Variants in TAB1 observed in about 807,000 individuals in gnomAD.
TAB1 encodes the protein TGF-beta-activated kinase 1 and MAP3K7-binding protein 1.
In TAB1, 30 loss-of-function variants were observed where a neutral mutation model predicts 54.5. The observed-to-expected ratio is 0.55, with a 90% CI of 0.41 to 0.75. The LOEUF (loss-of-function observed/expected upper bound fraction) is 0.75, where lower values mean the gene tolerates loss of function less well. Ranked by LOEUF, TAB1 falls within the 30% of genes least tolerant of loss-of-function variation. TAB1 has a pLI of 0.00. For missense variants in TAB1, 609 were observed against 683.2 expected (o/e 0.89, Z 1.21); for synonymous variants, 289 against 286.9 (o/e 1.01, Z -0.07).
chr22:39,435,736 G>A (rs1424073034), downstream of TAB1, among the ~76,000 whole-genome samples: 4 of 152,202 alleles, frequency 2.6e-5, no homozygotes, highest in East Asian at 1.9e-4. Flanking sequence ...GGGCCGGGGA[G>A]CCTGGCTCTA....
chr22:39,428,151 C>T lies in TAB1; in HGVS notation c.1275C>T (p.Ser425=), dbSNP rs888154434. The change falls in exon 10 of 11, where the codon TCC becomes TCT. Residue 425 remains serine, a synonymous_variant. Coordinates refer to ENST00000216160, the MANE Select transcript of TAB1 (RefSeq NM_006116.3). The part of the protein sequence containing the change: ...GQMVNGAHSA[S]TLDEATPTLT... ...TGGTCAACGGGGCTCACAGTGCTTC[C>T]ACCCTGGACGAAGCCACCCCCACCC... The T allele has an allele frequency of 1.4e-5, 22 of 1,611,634 alleles. No homozygotes were observed. Among genetic ancestry groups the T allele is most frequent in the Non-Finnish European group, 1.8e-5 (21 of 1,178,188 alleles).
intron 1 of TAB1, among the ~76,000 whole-genome samples, chr22:39,408,518 A>T (rs753191077): frequency 1.3e-5 from 2 of 149,844 alleles, no homozygotes; most frequent in Non-Finnish European, 3.0e-5. Context: ...TTGTTTTTTG[A>T]GACGGAGTCT....
chr22:39,413,562 A>G (rs1926698999), intron 1 of TAB1, among the ~76,000 whole-genome samples: 1 of 152,110 alleles, frequency 6.6e-6, no homozygotes, highest in Non-Finnish European at 1.5e-5. Flanking sequence ...GATTACAGGC[A>G]TGCACCACCA....
intron 8 of TAB1, among the ~76,000 whole-genome samples, chr22:39,426,025 T>G (rs982099669): frequency 2.6e-5 from 4 of 151,822 alleles, no homozygotes; most frequent in African/African-American, 7.3e-5. Flanking sequence ...GCCCAGCTAA[T>G]TTTTGTATTT....
intron 1 of TAB1, among the ~76,000 whole-genome samples, chr22:39,409,075 G>A (rs1172929322): frequency 6.6e-6 from 1 of 152,170 alleles, no homozygotes; most frequent in African/African-American, 2.4e-5. Flanking sequence ...TTTAATCACA[G>A]CCTTCTAGAA....
intron 3 of TAB1, among the ~76,000 whole-genome samples, chr22:39,416,359 T>C (rs1926834698): frequency 2.6e-5 from 4 of 152,204 alleles, no homozygotes; most frequent in African/African-American, 4.8e-5. Context: ...CGAGCTGTCA[T>C]AGGCCTGGCA....
intron 1 of TAB1, among the ~76,000 whole-genome samples, chr22:39,407,330 G>A (rs1396839569): frequency 6.6e-6 from 1 of 152,082 alleles, no homozygotes; most frequent in East Asian, 1.9e-4. Flanking sequence ...GGGTTGCCAG[G>A]CGTACTGTCC....
chr22:39,417,009 A>G, intron 4 of TAB1, 132 bp downstream of exon 4: 2 of 824,632 alleles, frequency 2.4e-6, no homozygotes, highest in South Asian at 3.1e-5. Context: ...GATGGGTGAC[A>G]CTGGTGTGTG....
chr22:39,417,475 C>T (rs1926883789), intron 4 of TAB1, among the ~76,000 whole-genome samples: 1 of 152,096 alleles, frequency 6.6e-6, no homozygotes, highest in African/African-American at 2.4e-5. Context: ...AAAAAATTAG[C>T]TGGGCGTGGT....
At chr22:39,427,497 T>G (rs1927401741) in intron 9 of TAB1, among the ~76,000 whole-genome samples, 1 of 152,218 alleles carries the variant, frequency 6.6e-6, no homozygotes, top group Non-Finnish European at 1.5e-5. Context: ...GGCTGCTCTT[T>G]CCCGTGCTCC....
intron 1 of TAB1, among the ~76,000 whole-genome samples, chr22:39,400,408 G>A (rs988268602): frequency 4.6e-5 from 7 of 152,268 alleles, no homozygotes; most frequent in Middle Eastern, 3.4e-3. Flanking sequence ...TTAACCCCTG[G>A]GCTGTACTAA....
intron 1 of TAB1, among the ~76,000 whole-genome samples, chr22:39,401,709 T>C (rs910249058): frequency 5.3e-5 from 8 of 152,214 alleles, no homozygotes; most frequent in African/African-American, 1.9e-4. Context: ...AATAGTTAGC[T>C]TTAAACACAT....
chr22:39,430,658 G>A lies in TAB1; in HGVS notation c.*436G>A. The A allele has an allele frequency of 3.7e-6, 4 of 1,068,442 alleles. No homozygotes were observed. Among genetic ancestry groups the A allele is most frequent in the South Asian group, 6.2e-5 (2 of 32,142 alleles). 66.2% of individuals were successfully genotyped at this position (1,068,442 alleles called of 1,614,324 possible). A position where few individuals can be genotyped will look rare whatever the true frequency, so the allele number is the denominator to read the frequency against. On this transcript the variant is annotated 3_prime_UTR_variant, in exon 11 of 11. Coordinates refer to ENST00000216160, the MANE Select transcript of TAB1 (RefSeq NM_006116.3). ...TCACCTCCCTCACCTCGGGACAGTA[G>A]CCCTCCACTTCTCCAGCCTCTCAGC...
chr22:39,415,649 T>C lies in TAB1; in HGVS notation c.320T>C (p.Leu107Pro). The stretch of plus-strand genomic sequence containing the variant: ...GAGGCCGATGTGCGGCGTGTGCTGC[T>C]GCAGGTAATGGTGCCGGGGCCAACA... The part of the protein sequence containing the change: ...HAEADVRRVL[L>P]QAFDVVERSF... Residue 107 changes from leucine to proline, a missense_variant, in exon 3 of 11, where the codon CTG becomes CCG. By Grantham distance (98) the Leu-to-Pro change is moderately conservative. Coordinates refer to ENST00000216160, the MANE Select transcript of TAB1 (RefSeq NM_006116.3). The surrounding 1 kb of genome is among the most constrained non-coding windows in gnomAD (Gnocchi z 4.9). 6.2e-7 allele frequency: 1 copy of C among 1,608,008 alleles called. No homozygotes were observed. Among genetic ancestry groups the C allele is most frequent in the Non-Finnish European group, 8.5e-7 (1 of 1,179,332 alleles).
chr22:39,430,525 C>T lies in TAB1; in HGVS notation c.*303C>T, dbSNP rs556179970. The T allele has an allele frequency of 2.0e-5, 25 of 1,273,718 alleles. No homozygotes were observed. The highest frequency in any genetic ancestry group is 1.7e-4 in the Admixed American group (5 of 30,080). 78.9% of individuals were successfully genotyped at this position (1,273,718 alleles called of 1,614,324 possible). ...AACCGCAGTGGGCCTGCAAGCCGCC[C>T]GAGCCTCCCCAGCAGCCTCCTACAG... On this transcript the variant is annotated 3_prime_UTR_variant, in exon 11 of 11. Transcript: ENST00000216160.
At chr22:39,402,035 T>C (rs1010444074) in intron 1 of TAB1, among the ~76,000 whole-genome samples, 2 of 152,106 alleles carry the variant, frequency 1.3e-5, no homozygotes, top group Non-Finnish European at 2.9e-5. Flanking sequence ...GGGCACTGTC[T>C]TGTTATTGTA....
downstream of TAB1, among the ~76,000 whole-genome samples, chr22:39,435,313 T>G (rs1296556398): frequency 6.6e-6 from 1 of 152,116 alleles, no homozygotes; most frequent in Admixed American, 6.5e-5. Context: ...GTGTCAATCC[T>G]GTAGGTTTAT....
At chr22:39,421,690 TTC>T (rs1927096946) in intron 7 of TAB1, 135 bp from the exon 8 acceptor site, 8 of 941,954 alleles carry the variant, frequency 8.5e-6, no homozygotes, top group Non-Finnish European at 1.3e-5. Context: ...GACCTTCTCT[TTC>T]TCTCTTTTCT....
At chr22:39,427,996 G>C (rs58508009) in intron 9 of TAB1, 25 bp from the exon 10 acceptor site, 1 of 1,556,040 alleles carries the variant, frequency 6.4e-7, no homozygotes, top group Non-Finnish European at 8.8e-7. Flanking sequence ...TGCTGCCTGA[G>C]GCCCCCACTC....
Sources: allele counts gnomAD v4.1 joint callset (sites outside exome capture counted in the v4.1 genomes callset), GRCh38; gene constraint gnomAD v4.1.1; non-coding constraint Gnocchi (gnomAD v3.1); transcripts MANE v1.5; gene names NCBI Gene and HGNC (gene_info 2026-07-23, HGNC 2026-07-21).